The following SYCP2L variants were observed in gnomAD, a reference collection of about 807,000 sequenced individuals.
The protein encoded by SYCP2L is synaptonemal complex protein 2 like.
SYCP2L carries 98 observed loss-of-function variants against 125.8 expected under a neutral mutation model. That is an observed-to-expected ratio of 0.78 (90% CI 0.66 to 0.92). SYCP2L has a LOEUF of 0.92. Among genes scored for constraint, SYCP2L ranks in the 40% least tolerant of loss-of-function variants. The pLI is 0.00. For missense variants in SYCP2L, 842 were observed against 936.4 expected, an observed-to-expected ratio of 0.90 and a Z score of 1.32; for synonymous variants, 317 against 325.4, an observed-to-expected ratio of 0.97 and a Z score of 0.28.
chr6:10,890,425 G>A (rs1306162478), intron 1 of SYCP2L, among the ~76,000 whole-genome samples: 8 of 152,060 alleles, frequency 5.3e-5, no homozygotes. Context: ...TTTTGGTTTT[G>A]ATTTGCATTT....
At position 10,927,186 on chromosome 6, in the gene SYCP2L, A is replaced by G. The variant is rs1302242289; in HGVS notation, c.1313-54A>G. The G allele has an allele frequency of 1.2e-5, 19 of 1,600,930 alleles. No homozygotes were observed. The East Asian group carries it at 4.0e-4, about 34-fold the overall frequency. ...GGACATCCCATGAAGACCACTGGTG[A>G]GTATGTCAGCGTGTGCACGGTTATT... On this transcript the variant is annotated intron_variant, in intron 16 of 29. Transcript: ENST00000283141.
chr6:10,925,448 GTCTCCAACTC>G (rs1780880842), intron 15 of SYCP2L, among the ~76,000 whole-genome samples: 1 of 152,172 alleles, frequency 6.6e-6, no homozygotes, highest in Admixed American at 6.5e-5. Flanking sequence ...GATTGCTGTG[GTCTCCAACTC>G]TCTCTGTTTC....
intron 29 of SYCP2L, among the ~76,000 whole-genome samples, chr6:10,972,072 CT>C (rs1781784099): frequency 6.6e-6 from 1 of 152,152 alleles, no homozygotes; most frequent in Non-Finnish European, 1.5e-5. Context: ...AATACAAGAT[CT>C]TATTTTTTAA....
intron 1 of SYCP2L, 86 bp downstream of exon 1, chr6:10,887,221 C>T (rs1450844260): frequency 1.5e-5 from 23 of 1,567,970 alleles, no homozygotes; most frequent in Non-Finnish European, 1.7e-5. Context: ...CAGGTTCTGC[C>T]GCCTTGAGGT....
At chr6:10,948,010 G>T (rs1781346071) in intron 23 of SYCP2L, among the ~76,000 whole-genome samples, 1 of 152,012 alleles carries the variant, frequency 6.6e-6, no homozygotes, top group Non-Finnish European at 1.5e-5. Context: ...ATAATCAAAT[G>T]AATTTTCTCC....
chr6:10,972,983 C>T (rs983461600), intron 29 of SYCP2L, among the ~76,000 whole-genome samples: 2 of 152,200 alleles, frequency 1.3e-5, no homozygotes, highest in African/African-American at 4.8e-5. Flanking sequence ...TGTCACAGCA[C>T]TCCCCAAAAG....
chr6:10,893,213 G>C (rs1780205032), intron 2 of SYCP2L, among the ~76,000 whole-genome samples: 1 of 151,976 alleles, frequency 6.6e-6, no homozygotes, highest in African/African-American at 2.4e-5. Context: ...GGTCAGGCTG[G>C]TCTCGAACTC....
chr6:10,953,836 T>C (rs1046960642), intron 23 of SYCP2L, among the ~76,000 whole-genome samples: 28 of 151,698 alleles, frequency 1.8e-4, no homozygotes, highest in Non-Finnish European at 3.5e-4. Flanking sequence ...GGGAAGAGAG[T>C]GTGAAGAGTT....
Position 10,942,765 on chromosome 6 carries a change from T to C in SYCP2L, c.1954+19T>C. The C allele has an allele frequency of 6.7e-7, 1 of 1,502,986 alleles. No homozygotes were observed. Among genetic ancestry groups the C allele is most frequent in the Non-Finnish European group, 9.0e-7 (1 of 1,111,718 alleles). 93.1% of individuals were successfully genotyped at this position (1,502,986 alleles called of 1,614,324 possible). A position where few individuals can be genotyped will look rare whatever the true frequency, so the allele number is the denominator to read the frequency against. ...GACAAAGGTAAGAGAATAGTACTTT[T>C]TTTTTTTTTTTTGCAGAATAAAATG... is the stretch of plus-strand genomic sequence containing the variant. On this transcript the variant is annotated intron_variant, in intron 23 of 29. Coordinates refer to ENST00000283141, the MANE Select transcript of SYCP2L (RefSeq NM_001040274.3).
At chr6:10,973,007 T>C (rs1196899995) in intron 29 of SYCP2L, among the ~76,000 whole-genome samples, 1 of 152,220 alleles carries the variant, frequency 6.6e-6, no homozygotes, top group Non-Finnish European at 1.5e-5. Context: ...GGGCTTCTGT[T>C]AATAAGGAAA....
At chr6:10,930,194 C>A in intron 18 of SYCP2L, 176 bp from the exon 19 acceptor site, 1 of 562,104 alleles carries the variant, frequency 1.8e-6, no homozygotes, top group Non-Finnish European at 2.9e-6. Context: ...TGAGAATTGA[C>A]TGATGGAATA....
At chr6:10,948,179 T>TTG (rs1406280994) in intron 23 of SYCP2L, among the ~76,000 whole-genome samples, 1 of 152,032 alleles carries the variant, frequency 6.6e-6, no homozygotes. Flanking sequence ...ATAGTTATCT[T>TTG]TGTGTGTGTG....
chr6:10,930,232 T>C, intron 18 of SYCP2L, 138 bp from the exon 19 acceptor site: 1 of 804,110 alleles, frequency 1.2e-6, no homozygotes. Flanking sequence ...CATACTTCTT[T>C]GCTTTTATAT....
chr6:10,958,636 T>C, intron 25 of SYCP2L, 148 bp from the exon 26 acceptor site: 1 of 693,002 alleles, frequency 1.4e-6, no homozygotes, highest in Non-Finnish European at 2.4e-6. Flanking sequence ...GACAGGTGTA[T>C]AGGATGATGC....
Position 10,905,166 on chromosome 6 carries a change from AGAAG to A in SYCP2L, c.642-853_642-850del, listed in dbSNP as rs1417917276. ...TCAAAAAAAAAAAAAAAAAAAAAAA[AGAAG>A]AAGATCGACTCACACTTGTTAGCAT... On this transcript the variant is annotated intron_variant, in intron 8 of 29. Transcript: ENST00000283141. Among the ~76,000 whole-genome samples the A allele has an allele frequency of 3.4e-3, 461 of 133,836 alleles. 9 individuals are homozygous for A. The highest frequency in any genetic ancestry group is 8.9e-3 in the African/African-American group (305 of 34,380). 87.8% of individuals were successfully genotyped at this position (133,836 alleles called of 152,430 possible).
chr6:10,923,116 A>G (rs755660896), intron 14 of SYCP2L, among the ~76,000 whole-genome samples: 2 of 152,142 alleles, frequency 1.3e-5, no homozygotes, highest in Admixed American at 6.5e-5. Flanking sequence ...TCACAGATTT[A>G]GACTCATGTA....
At chr6:10,902,645 A>G (rs778464003) in intron 6 of SYCP2L, 32 bp from the exon 7 acceptor site, 3 of 1,588,190 alleles carry the variant, frequency 1.9e-6, no homozygotes, top group African/African-American at 1.3e-5. Context: ...TCTTCCAAAC[A>G]TAAATTTGAT....
chr6:10,917,120 G>A (rs1252605447), intron 14 of SYCP2L, among the ~76,000 whole-genome samples: 2 of 152,146 alleles, frequency 1.3e-5, no homozygotes, highest in Admixed American at 6.5e-5. Flanking sequence ...TATATTCTGC[G>A]GTTGTTGGAT....
intron 2 of SYCP2L, among the ~76,000 whole-genome samples, chr6:10,892,118 G>T (rs1275587732): frequency 1.3e-5 from 2 of 152,204 alleles, no homozygotes; most frequent in Non-Finnish European, 2.9e-5. Context: ...CATGTGGAAA[G>T]TGGTGGGGTG....
Sources: gnomAD v4.1 joint callset for allele counts (sites outside exome capture counted in the v4.1 genomes callset) on GRCh38, gnomAD v4.1.1 for gene constraint, MANE v1.5 for transcripts, NCBI Gene and HGNC (gene_info 2026-07-23, HGNC 2026-07-21) for gene names.